The following SEMA5A variants were observed in gnomAD, a reference collection of about 807,000 sequenced individuals.
SEMA5A encodes semaphorin-5A.
Under a neutral mutation model 135.5 loss-of-function variants are expected in SEMA5A, and 55 were observed. The observed-to-expected ratio is 0.41, with a 90% CI of 0.33 to 0.51. The LOEUF (loss-of-function observed/expected upper bound fraction) is 0.51. Ranked by LOEUF, SEMA5A falls within the 20% of genes least tolerant of loss-of-function variation. The probability of loss-of-function intolerance (pLI) is 0.37; values close to 1 mark genes in which losing one functional copy is unlikely to be tolerated. For missense variants in SEMA5A, 1,290 were observed against 1,419.9 expected (o/e 0.91, Z 1.47); for synonymous variants, 580 against 546.5 (o/e 1.06, Z -0.85).
At chr5:9,493,922 G>A (rs1735166879) in intron 1 of SEMA5A, among the ~76,000 whole-genome samples, 2 of 152,146 alleles carry the variant, frequency 1.3e-5, no homozygotes, top group African/African-American at 2.4e-5. Flanking sequence ...CAGGTTCAAT[G>A]CAAAGAATGT....
intron 21 of SEMA5A, among the ~76,000 whole-genome samples, chr5:9,048,518 CT>C (rs1450800258): frequency 6.6e-6 from 1 of 152,018 alleles, no homozygotes; most frequent in East Asian, 1.9e-4. Flanking sequence ...AGCATCTTCA[CT>C]TTTTTCAACA....
At chr5:9,355,105 T>C (rs1417101695) in intron 3 of SEMA5A, among the ~76,000 whole-genome samples, 1 of 152,206 alleles carries the variant, frequency 6.6e-6, no homozygotes, top group Non-Finnish European at 1.5e-5. Flanking sequence ...TGTGGGAATA[T>C]AGTCTCTGTC....
At chr5:9,236,881 CAGTTAA>C in intron 6 of SEMA5A, among the ~76,000 whole-genome samples, 1 of 152,176 alleles carries the variant, frequency 6.6e-6, no homozygotes, top group South Asian at 2.1e-4. Context: ...CACAGCGATT[CAGTTAA>C]AGGGCAGGGA....
At chr5:9,135,179 CT>C (rs11297927) in intron 13 of SEMA5A, among the ~76,000 whole-genome samples, 31,137 of 123,342 alleles carry the variant, frequency 0.25, 3,773 homozygotes, top group East Asian at 0.53. Context: ...TTCCGACTTT[CT>C]TTTTTTTTTT....
At position 9,190,311 on chromosome 5, in the gene SEMA5A, A is replaced by G. The variant is rs755265180; in HGVS notation, c.1229T>C (p.Val410Ala). 1 of 1,614,132 alleles carries G rather than the reference A, an allele frequency of 6.2e-7. No homozygotes were observed. The highest frequency in any genetic ancestry group is 1.1e-5 in the South Asian group (1 of 91,072). ...GTGGACGAGCGCTTCTCTGCCCTGC[A>G]CCACGTCGACTGCCACGTGGGAAAA... ...SRFSHVAVDV[V>A]QGREALVHII... The change falls in exon 11 of 23, where the codon GTG becomes GCG. Residue 410 changes from valine (V) to alanine (A), a missense_variant. Coordinates refer to ENST00000382496, the MANE Select transcript of SEMA5A (RefSeq NM_003966.3).
At chr5:9,465,648 T>A (rs1255496543) in intron 1 of SEMA5A, among the ~76,000 whole-genome samples, 2 of 152,252 alleles carry the variant, frequency 1.3e-5, no homozygotes, top group Non-Finnish European at 2.9e-5. Flanking sequence ...TATGGGAAGA[T>A]GCTCACAGGT....
At chr5:9,249,663 C>A (rs1325530050) in intron 5 of SEMA5A, among the ~76,000 whole-genome samples, 1 of 152,106 alleles carries the variant, frequency 6.6e-6, no homozygotes, top group Non-Finnish European at 1.5e-5. Context: ...TATAAAAGAC[C>A]TCTTAAGGAA....
At chr5:9,229,997 T>G (rs1009545212) in intron 6 of SEMA5A, among the ~76,000 whole-genome samples, 6 of 152,052 alleles carry the variant, frequency 3.9e-5, no homozygotes, top group Admixed American at 1.3e-4. Context: ...TTTGTTTTTG[T>G]TTTTTGAGAC....
chr5:9,069,472 G>A (rs2150078783), intron 16 of SEMA5A, among the ~76,000 whole-genome samples: 1 of 152,294 alleles, frequency 6.6e-6, no homozygotes, highest in Non-Finnish European at 1.5e-5. Flanking sequence ...GTTTCCAGTG[G>A]GATAGAAAGC....
intron 1 of SEMA5A, among the ~76,000 whole-genome samples, chr5:9,522,007 C>G (rs552844307): frequency 4.1e-4 from 62 of 152,226 alleles, no homozygotes; most frequent in Non-Finnish European, 6.3e-4. Flanking sequence ...GGTCCAAGAC[C>G]GTCCTGGGTT....
chr5:9,182,376 T>A (rs1744570441), intron 11 of SEMA5A, among the ~76,000 whole-genome samples: 1 of 152,116 alleles, frequency 6.6e-6, no homozygotes, highest in Admixed American at 6.6e-5. Flanking sequence ...CAGCTTCTCT[T>A]CAAGAAATTA....
intron 17 of SEMA5A, among the ~76,000 whole-genome samples, chr5:9,063,664 C>T (rs1212884655): frequency 6.6e-6 from 1 of 152,190 alleles, no homozygotes; most frequent in East Asian, 1.9e-4. Flanking sequence ...GAACTCATGC[C>T]CTAGAACTGA....
At position 9,190,348 on chromosome 5, in the gene SEMA5A, C is replaced by T. The variant is rs765022511; in HGVS notation, c.1192G>A (p.Asp398Asn). ...PVTTVPSFME[D>N]NSRFSHVAVD... ...GCCACGTGGGAAAAGCGGCTATTGT[C>T]CTCCATGAAGGAGGGCACTGTGGTC... The change falls in exon 11 of 23, where the codon GAC becomes AAC. Residue 398 changes from aspartate to asparagine, a missense_variant. Transcript: ENST00000382496. 2 of 1,614,034 alleles carry T rather than the reference C, an allele frequency of 1.2e-6. No individual in the cohort carries two copies. Among genetic ancestry groups the T allele is most frequent in the Non-Finnish European group, 1.7e-6 (2 of 1,180,010 alleles).
chr5:9,354,657 G>A (rs1754365633), intron 3 of SEMA5A, among the ~76,000 whole-genome samples: 1 of 152,182 alleles, frequency 6.6e-6, no homozygotes, highest in African/African-American at 2.4e-5. Context: ...AGAGAAGGCT[G>A]TTCCTCTCAT....
intron 1 of SEMA5A, among the ~76,000 whole-genome samples, chr5:9,496,864 C>A (rs1735330062): frequency 2.6e-5 from 4 of 152,176 alleles, no homozygotes; most frequent in Admixed American, 2.6e-4. Context: ...CTTTTTAAAG[C>A]CCATAAAACC....
chr5:9,425,321 T>C (rs539500464), intron 2 of SEMA5A, among the ~76,000 whole-genome samples: 11 of 152,362 alleles, frequency 7.2e-5, no homozygotes, highest in African/African-American at 2.6e-4. Context: ...CTATCTGTCT[T>C]GCTTACGTGC....
At chr5:9,425,432 G>A (rs1757613433) in intron 2 of SEMA5A, among the ~76,000 whole-genome samples, 1 of 152,088 alleles carries the variant, frequency 6.6e-6, no homozygotes, top group African/African-American at 2.4e-5. Flanking sequence ...ATTTCTCATG[G>A]TCACTTTGAC....
intron 5 of SEMA5A, among the ~76,000 whole-genome samples, chr5:9,242,239 G>A (rs1748240700): frequency 6.6e-6 from 1 of 152,190 alleles, no homozygotes; most frequent in Non-Finnish European, 1.5e-5. Flanking sequence ...ACCTATAACA[G>A]TAACTTTGAG....
At chr5:9,391,380 A>G (rs1028703718) in intron 2 of SEMA5A, among the ~76,000 whole-genome samples, 2 of 151,938 alleles carry the variant, frequency 1.3e-5, no homozygotes, top group Non-Finnish European at 1.5e-5. Flanking sequence ...GCTGGTGAAT[A>G]TAAGTGTACA....
Sources: allele counts gnomAD v4.1 joint callset (sites outside exome capture counted in the v4.1 genomes callset), GRCh38; gene constraint gnomAD v4.1.1; transcripts MANE v1.5; gene names NCBI Gene and HGNC (gene_info 2026-07-23, HGNC 2026-07-21).